ASTN2: variants seen among roughly 807,000 people sequenced by gnomAD.
ASTN2 encodes astrotactin 2, also known as astrotactin-2.
In ASTN2, 54 loss-of-function variants were observed where a neutral mutation model predicts 139.8. That is an observed-to-expected ratio of 0.39 (90% confidence interval 0.31 to 0.48). ASTN2 has a LOEUF of 0.48. Ranked by LOEUF, ASTN2 falls within the 20% of genes least tolerant of loss-of-function variation. The pLI is 0.95. For missense variants in ASTN2, 1,565 were observed against 1,725.1 expected (o/e 0.91, Z 1.64); for synonymous variants, 756 against 719.5 (o/e 1.05, Z -0.81).
At chr9:117,079,642 C>G (rs1042794402) in intron 5 of ASTN2, among the ~76,000 whole-genome samples, 4 of 138,140 alleles carry the variant, frequency 2.9e-5, no homozygotes, top group African/African-American at 8.1e-5. Flanking sequence ...TCTCTTTCTT[C>G]TTTGTTTTTC....
intron 19 of ASTN2, chr9:116,568,916 T>C (rs1022943766): frequency 5.3e-5 from 8 of 152,144 alleles, no homozygotes; most frequent in Non-Finnish European, 1.2e-4. Flanking sequence ...TACAAAAATA[T>C]CCTTTAGGCA....
intron 22 of ASTN2, among the ~76,000 whole-genome samples, chr9:116,439,193 C>CCTTTT (rs1564277528): frequency 9.7e-6 from 1 of 102,780 alleles, no homozygotes; most frequent in African/African-American, 3.7e-5. Flanking sequence ...TATTCAAATA[C>CCTTTT]ATTTTTTTTT....
At chr9:116,914,180 A>G (rs1484211427) in intron 10 of ASTN2, among the ~76,000 whole-genome samples, 4 of 151,936 alleles carry the variant, frequency 2.6e-5, no homozygotes. Flanking sequence ...GAATACCAGG[A>G]AAGAAGCTGA....
chr9:116,905,516 G>A (rs973389064), intron 10 of ASTN2, among the ~76,000 whole-genome samples: 2 of 152,166 alleles, frequency 1.3e-5, no homozygotes, highest in South Asian at 2.1e-4. Flanking sequence ...AGACCAGGTC[G>A]GTCTCCTTCA....
chr9:116,446,636 G>T (rs1226802529), intron 20 of ASTN2, among the ~76,000 whole-genome samples: 1 of 152,184 alleles, frequency 6.6e-6, no homozygotes, highest in Non-Finnish European at 1.5e-5. Context: ...TTATGAAAGA[G>T]GCGGCTCATG....
In ASTN2 at chr9:116,424,740, C is replaced by A. The variant is rs1478991125; in HGVS notation, c.*1111G>T. 6.6e-6 allele frequency among the ~76,000 whole-genome samples: 1 copy of A among 151,974 alleles called. No individual in the cohort carries two copies. The highest frequency in any genetic ancestry group is 2.4e-5 in the African/African-American group (1 of 41,382). The stretch of plus-strand genomic sequence containing the variant: ...TTGATTACAGGCACGTGCCACCATG[C>A]CCTGCTATTTTTTATTTTTTGTATT... On this transcript the variant is annotated 3_prime_UTR_variant, in exon 23 of 23. Coordinates refer to ENST00000313400, the MANE Select transcript of ASTN2 (RefSeq NM_001365068.1).
chr9:116,750,738 G>C (rs923166488), intron 13 of ASTN2, among the ~76,000 whole-genome samples: 1 of 152,108 alleles, frequency 6.6e-6, no homozygotes, highest in Non-Finnish European at 1.5e-5. Flanking sequence ...ATAAGTTGGA[G>C]CCACAAGCAG....
chr9:116,759,550 T>A (rs1829622147), intron 13 of ASTN2, among the ~76,000 whole-genome samples: 1 of 152,118 alleles, frequency 6.6e-6, no homozygotes. Flanking sequence ...TAGTGAGAAA[T>A]ATAACATTCC....
chr9:116,987,856 T>C (rs1836730780), intron 7 of ASTN2, among the ~76,000 whole-genome samples: 2 of 152,194 alleles, frequency 1.3e-5, no homozygotes, highest in East Asian at 1.9e-4. Flanking sequence ...CTGTGACACC[T>C]TGACAGATCT....
intron 13 of ASTN2, among the ~76,000 whole-genome samples, chr9:116,757,866 A>T (rs1232292695): frequency 1.3e-5 from 2 of 152,298 alleles, no homozygotes; most frequent in East Asian, 3.9e-4. Flanking sequence ...TAAAAAAGTT[A>T]TATGCTTAAC....
intron 19 of ASTN2, among the ~76,000 whole-genome samples, chr9:116,501,974 C>A (rs757043549): frequency 1.3e-5 from 2 of 152,020 alleles, no homozygotes; most frequent in Non-Finnish European, 1.5e-5. Flanking sequence ...ATCCCCCTCC[C>A]CACTCCATCC....
intron 16 of ASTN2, among the ~76,000 whole-genome samples, chr9:116,661,471 C>A (rs916557745): frequency 2.6e-5 from 4 of 151,902 alleles, no homozygotes; most frequent in Non-Finnish European, 4.4e-5. Flanking sequence ...CAGCTAGGCA[C>A]AAGGGGGGAA....
At chr9:117,356,335 G>A (rs1285789791) in intron 1 of ASTN2, among the ~76,000 whole-genome samples, 1 of 152,176 alleles carries the variant, frequency 6.6e-6, no homozygotes, top group Non-Finnish European at 1.5e-5. Flanking sequence ...CTGTGTGCTG[G>A]TAGATATGCC....
chr9:116,482,696 G>A lies in ASTN2; in HGVS notation c.3497+4663C>T, dbSNP rs191335447. On this transcript the variant is annotated intron_variant, in intron 20 of 22. Coordinates refer to ENST00000313400, the MANE Select transcript of ASTN2 (RefSeq NM_001365068.1). ...TTTCACAATGCCCTCCCTTCTCCGG[G>A]GCTTTGCTTTTTCTTCTACTCTTCC... Among the ~76,000 whole-genome samples the A allele has an allele frequency of 2.5e-3, 380 of 152,088 alleles. 1 individual carries two copies. Among genetic ancestry groups the A allele is most frequent in the African/African-American group, 8.7e-3 (359 of 41,466 alleles).
intron 10 of ASTN2, among the ~76,000 whole-genome samples, chr9:116,902,949 A>G (rs755898511): frequency 1.4e-4 from 21 of 152,270 alleles, no homozygotes; most frequent in Non-Finnish European, 2.5e-4. Flanking sequence ...CTGACCATCC[A>G]TTACCACTTT....
At chr9:117,371,744 T>C (rs1829996792) in intron 1 of ASTN2, among the ~76,000 whole-genome samples, 1 of 152,110 alleles carries the variant, frequency 6.6e-6, no homozygotes, top group Non-Finnish European at 1.5e-5. Context: ...TTGCTAGGTG[T>C]CAAAGCACTG....
intron 17 of ASTN2, among the ~76,000 whole-genome samples, chr9:116,629,685 C>T (rs1434209725): frequency 1.3e-5 from 2 of 152,150 alleles, no homozygotes; most frequent in Admixed American, 6.5e-5. Flanking sequence ...AGAAACGACA[C>T]CTAATTTCCC....
At chr9:116,650,918 C>CA (rs1454564564) in intron 17 of ASTN2, among the ~76,000 whole-genome samples, 1 of 142,354 alleles carries the variant, frequency 7.0e-6, no homozygotes, top group Non-Finnish European at 1.5e-5. Flanking sequence ...CCCTGCACTA[C>CA]TTTTTTTTTT....
In ASTN2 at chr9:116,573,198, T is replaced by G. The variant is rs1000727129; in HGVS notation, c.3355+45126A>C. 2.0e-5 allele frequency among the ~76,000 whole-genome samples: 3 copies of G among 152,238 alleles called. No individual in the cohort carries two copies. The East Asian group carries it at 5.8e-4, about 29-fold the overall frequency. On this transcript the variant is annotated intron_variant, in intron 19 of 22. Coordinates refer to ENST00000313400, the MANE Select transcript of ASTN2 (RefSeq NM_001365068.1). ...ACATGAGTTTTCATTGCATTCCTTG[T>G]GCTGGTGATTAAAGAAGAGGCTCTG... is the stretch of plus-strand genomic sequence containing the variant.
Sources: allele counts gnomAD v4.1 joint callset (sites outside exome capture counted in the v4.1 genomes callset), GRCh38; gene constraint gnomAD v4.1.1; transcripts MANE v1.5; gene names NCBI Gene and HGNC (gene_info 2026-07-23, HGNC 2026-07-21).